The following SMAP1 variants were observed in gnomAD, a reference collection of about 807,000 sequenced individuals.
The protein encoded by SMAP1 is stromal membrane-associated protein 1.
SMAP1 carries 24 observed loss-of-function variants against 58.5 expected under a neutral mutation model. The ratio of observed to expected loss-of-function variants is 0.41; its 90% confidence interval spans 0.30 to 0.58. The LOEUF (loss-of-function observed/expected upper bound fraction) is 0.58. Ranked by LOEUF, SMAP1 falls within the 20% of genes least tolerant of loss-of-function variation. The pLI is 0.29. For synonymous variants in SMAP1, 216 were observed against 196.6 expected (o/e 1.10, Z -0.82); for missense variants, 563 against 566.3 (o/e 0.99, Z 0.06).
intron 1 of SMAP1, among the ~76,000 whole-genome samples, chr6:70,673,739 G>A (rs992203906): frequency 2.0e-5 from 3 of 152,196 alleles, no homozygotes; most frequent in Admixed American, 6.5e-5. Flanking sequence ...TGGGTCTGTT[G>A]TTCTTGTAAT....
intron 4 of SMAP1, among the ~76,000 whole-genome samples, chr6:70,786,141 G>A (rs2149933400): frequency 6.6e-6 from 1 of 152,102 alleles, no homozygotes; most frequent in African/African-American, 2.4e-5. Flanking sequence ...CGCAAGGCTG[G>A]TTCAATATAC....
intron 7 of SMAP1, among the ~76,000 whole-genome samples, chr6:70,850,477 ATTGT>A (rs1771143935): frequency 6.6e-6 from 1 of 151,850 alleles, no homozygotes; most frequent in African/African-American, 2.4e-5. Context: ...TGCAGTTTAC[ATTGT>A]TTTAGAGGAC....
intron 1 of SMAP1, among the ~76,000 whole-genome samples, chr6:70,712,142 G>C (rs141111387): frequency 5.1e-4 from 77 of 152,330 alleles, no homozygotes; most frequent in African/African-American, 1.6e-3. Context: ...ATTATGAAAA[G>C]ATGTGGAACT....
chr6:70,692,138 T>A (rs780192678), intron 1 of SMAP1, among the ~76,000 whole-genome samples: 2 of 152,226 alleles, frequency 1.3e-5, no homozygotes, highest in Non-Finnish European at 2.9e-5. Flanking sequence ...TTAACTGGAG[T>A]GAGATGATAT....
rs925489439 is a variant in SMAP1 at position 70,859,166 on chromosome 6, C to G, written c.1269+937C>G. 2.7e-5 allele frequency: 14 copies of G among 525,824 alleles called. No individual in the cohort carries two copies. The East Asian group carries it at 4.0e-4, about 15-fold the overall frequency. The allele number at this position is 525,824 out of a possible 1,614,324, so 32.6% of individuals were successfully genotyped here. On this transcript the variant is annotated intron_variant, in intron 10 of 10. Coordinates refer to ENST00000370455, the MANE Select transcript of SMAP1 (RefSeq NM_001044305.3). ...ATATCACAGTTAATTTTGCTACCAC[C>G]ATTTACAAGAATATAGGTAAAACAT...
chr6:70,823,962 G>T (rs1770004853), intron 6 of SMAP1, among the ~76,000 whole-genome samples: 2 of 151,310 alleles, frequency 1.3e-5, no homozygotes, highest in Admixed American at 1.3e-4. Context: ...GCCACCCTAT[G>T]ACCTGGATCC....
intron 4 of SMAP1, among the ~76,000 whole-genome samples, chr6:70,784,723 TA>T (rs1276199159): frequency 6.6e-6 from 1 of 151,960 alleles, no homozygotes; most frequent in Non-Finnish European, 1.5e-5. Flanking sequence ...TACATAATGG[TA>T]AAGGGATCAA....
chr6:70,832,660 G>T (rs2149993857), intron 6 of SMAP1, among the ~76,000 whole-genome samples: 1 of 152,318 alleles, frequency 6.6e-6, no homozygotes, highest in East Asian at 1.9e-4. Flanking sequence ...ATCTGGTGAG[G>T]TCCCTCATGC....
chr6:70,780,773 C>T (rs1582170602), intron 4 of SMAP1, among the ~76,000 whole-genome samples: 2 of 152,184 alleles, frequency 1.3e-5, no homozygotes, highest in East Asian at 3.8e-4. Flanking sequence ...TTGCGCCATG[C>T]TGTCTCTGTG....
At chr6:70,758,367 TGGTGG>T (rs1766599523) in intron 3 of SMAP1, among the ~76,000 whole-genome samples, 1 of 95,456 alleles carries the variant, frequency 1.0e-5, no homozygotes, top group South Asian at 4.0e-4. Context: ...CTGGGGACTG[TGGTGG>T]GGTGGGGGGA....
chr6:70,837,668 C>CTTTT (rs35922889), intron 7 of SMAP1: 6 of 423,014 alleles, frequency 1.4e-5, no homozygotes, highest in African/African-American at 1.1e-4. Flanking sequence ...CTCTCTCTCT[C>CTTTT]TTTTTTTTTT....
intron 4 of SMAP1, among the ~76,000 whole-genome samples, chr6:70,783,707 G>A (rs1767870591): frequency 6.6e-6 from 1 of 152,126 alleles, no homozygotes; most frequent in Admixed American, 6.5e-5. Flanking sequence ...TATCAGTGAT[G>A]GAAGACGAAA....
intron 6 of SMAP1, among the ~76,000 whole-genome samples, chr6:70,833,351 C>T (rs1228753708): frequency 6.6e-6 from 1 of 152,156 alleles, no homozygotes; most frequent in African/African-American, 2.4e-5. Context: ...AAAGTAATCT[C>T]TAAAATCACC....
Position 70,752,281 on chromosome 6 carries a change from T to G in SMAP1, c.253-2699T>G, listed in dbSNP as rs183874594. Among the ~76,000 whole-genome samples, 343 of 152,326 alleles carry G rather than the reference T, an allele frequency of 2.3e-3. 11 individuals are homozygous for G. The highest frequency in any genetic ancestry group is 0.02 in the Admixed American group (311 of 15,288). ...TCTAAAACTAAGAGCCTGCTGTTAG[T>G]AAGCCCTGCAGGACATAGTCCCAGT... On this transcript the variant is annotated intron_variant, in intron 2 of 10. Transcript: ENST00000370455.
chr6:70,681,267 ATAAAAT>A lies in SMAP1; in HGVS notation c.118+13132_118+13137del, dbSNP rs561835866. Among the ~76,000 whole-genome samples the A allele has an allele frequency of 2.0e-3, 307 of 152,064 alleles. 1 individual carries two copies. The highest frequency in any genetic ancestry group is 7.1e-3 in the African/African-American group (294 of 41,480). ...AACTCTGTCTCTACAAAAAGTGAAA[ATAAAAT>A]TAAAAAAAAATAGCTGGGTGTGGTG... On this transcript the variant is annotated intron_variant, in intron 1 of 10. Transcript: ENST00000370455.
At chr6:70,775,978 G>A (rs898244610) in intron 4 of SMAP1, among the ~76,000 whole-genome samples, 2 of 152,078 alleles carry the variant, frequency 1.3e-5, no homozygotes, top group African/African-American at 2.4e-5. Context: ...AATAGATTGA[G>A]CACTCATCCA....
At chr6:70,831,137 A>G (rs1770342573) in intron 6 of SMAP1, among the ~76,000 whole-genome samples, 1 of 152,220 alleles carries the variant, frequency 6.6e-6, no homozygotes, top group Admixed American at 6.5e-5. Context: ...AGCTGAGGCC[A>G]GCCATGATTT....
intron 10 of SMAP1, 57 bp downstream of exon 10, chr6:70,858,286 T>G: frequency 3.5e-6 from 1 of 288,984 alleles, no homozygotes; most frequent in Non-Finnish European, 6.0e-6. Context: ...ATTTTCTAAA[T>G]CTTTTTTTTT....
At chr6:70,800,595 C>A (rs1265965309) in intron 6 of SMAP1, among the ~76,000 whole-genome samples, 1 of 151,986 alleles carries the variant, frequency 6.6e-6, no homozygotes. Flanking sequence ...TATACATGTG[C>A]CATGTTGGTT....
Sources: allele counts gnomAD v4.1 joint callset (sites outside exome capture counted in the v4.1 genomes callset), GRCh38; gene constraint gnomAD v4.1.1; transcripts MANE v1.5; gene names NCBI Gene and HGNC (gene_info 2026-07-23, HGNC 2026-07-21).